Variants in CELSR1 observed in about 807,000 individuals in gnomAD.
CELSR1 encodes adhesion G protein-coupled receptor C1.
A neutral mutation model predicts 249.1 loss-of-function variants in CELSR1; 110 were observed. The ratio of observed to expected loss-of-function variants is 0.44; its 90% confidence interval spans 0.38 to 0.52. The LOEUF (loss-of-function observed/expected upper bound fraction) is 0.52. Among genes scored for constraint, CELSR1 ranks in the 20% least tolerant of loss-of-function variants. The pLI is 0.00. For synonymous variants in CELSR1, 2,113 were observed against 1,900.0 expected (o/e 1.11, Z -2.92); for missense variants, 4,109 against 4,296.4 (o/e 0.96, Z 1.22).
At chr22:46,394,547 T>G (rs2079128311) in intron 13 of CELSR1, among the ~76,000 whole-genome samples, 1 of 152,162 alleles carries the variant, frequency 6.6e-6, no homozygotes, top group Non-Finnish European at 1.5e-5. Context: ...TTAATGACAA[T>G]GAACCCCCAC....
chr22:46,507,382 C>G (rs1351317402), intron 1 of CELSR1, among the ~76,000 whole-genome samples: 1 of 152,074 alleles, frequency 6.6e-6, no homozygotes, highest in African/African-American at 2.4e-5. Flanking sequence ...ACCATCACTG[C>G]CTCCCCTTCA....
At chr22:46,505,938 GGA>G (rs1165373845) in intron 1 of CELSR1, among the ~76,000 whole-genome samples, 3 of 152,110 alleles carry the variant, frequency 2.0e-5, no homozygotes, top group African/African-American at 7.2e-5. Context: ...CAGCACTTTG[GGA>G]GGCCGAGGCA....
intron 1 of CELSR1, among the ~76,000 whole-genome samples, chr22:46,532,924 C>A (rs2080807301): frequency 6.6e-6 from 1 of 152,196 alleles, no homozygotes. Flanking sequence ...CCCTCCTGTT[C>A]ACCTCCAGCC....
At chr22:46,403,971 CAAAAAAAAAAAAAAA>C (rs756055741) in intron 9 of CELSR1, among the ~76,000 whole-genome samples, 1 of 48,426 alleles carries the variant, frequency 2.1e-5, no homozygotes, top group African/African-American at 6.5e-5. Flanking sequence ...AACTCCGTCT[CAAAAAAAAAAAAAAA>C]AAAAGAAAAA....
At position 46,534,085 on chromosome 22, in the gene CELSR1, C is replaced by T; in HGVS notation, c.3086G>A (p.Gly1029Asp). Reference sequence around the variant, plus strand: ...CTGATACATGATCTGGGCATTAGGGCCTTCATCAGGGTCGTTAGCACGAAT... The same window carrying T: ...CTGATACATGATCTGGGCATTAGGGTCTTCATCAGGGTCGTTAGCACGAAT... ...AKIRANDPDE[G>D]PNAQIMYQIV... Residue 1029 changes from glycine to aspartate, a missense_variant, in exon 1 of 35, where the codon GGC becomes GAC. Physicochemically the swap from Gly to Asp is moderately conservative, Grantham distance 94 (BLOSUM62 -1). Around this residue, in one of 7 missense-constraint regions of CELSR1, gnomAD observed 886 missense variants for 896.5 expected, o/e 0.99. Transcript: ENST00000674500. This position sits in a 1 kb window ranked among gnomAD's most constrained non-coding sequence, Gnocchi z 9.7. The T allele has an allele frequency of 6.2e-7, 1 of 1,613,758 alleles. No homozygotes were observed. The highest frequency in any genetic ancestry group is 8.5e-7 in the Non-Finnish European group (1 of 1,180,042).
At chr22:46,514,394 GC>G (rs1206426431) in intron 1 of CELSR1, among the ~76,000 whole-genome samples, 1 of 152,164 alleles carries the variant, frequency 6.6e-6, no homozygotes, top group African/African-American at 2.4e-5. Context: ...GTTTCACCAG[GC>G]CCCGACGGTC....
chr22:46,492,442 T>C (rs933257039), intron 1 of CELSR1, among the ~76,000 whole-genome samples: 6 of 152,324 alleles, frequency 3.9e-5, no homozygotes, highest in Admixed American at 6.5e-5. Flanking sequence ...TTACCTCTTT[T>C]TTCTTTTCCA....
At chr22:46,369,157 G>A (rs374459765) in intron 27 of CELSR1, 22 bp downstream of exon 27, 111 of 1,611,240 alleles carry the variant, frequency 6.9e-5, no homozygotes, top group African/African-American at 1.3e-4. Context: ...ATGGCTGGCC[G>A]GTCAGGTTCA....
chr22:46,399,714 C>G lies in CELSR1; in HGVS notation c.5412+3G>C. 1 of 1,613,850 alleles carries G rather than the reference C, an allele frequency of 6.2e-7. No individual in the cohort carries two copies. Among genetic ancestry groups the G allele is most frequent in the Non-Finnish European group, 8.5e-7 (1 of 1,179,746 alleles). ...CCCAGAGGAGGTGCAGGTGCCAGCT[C>G]ACCTGGTCCATCCCATAGTCCAAGG... On this transcript the variant is annotated splice_donor_region_variant and intron_variant, in intron 10 of 34. Coordinates refer to ENST00000674500, the MANE Select transcript of CELSR1 (RefSeq NM_001378328.1). The surrounding 1 kb of genome is among the most constrained non-coding windows in gnomAD (Gnocchi z 5.0).
Position 46,411,324 on chromosome 22 carries a change from G to A in CELSR1, c.4769+278C>T, listed in dbSNP as rs534560611. ...TTTGCGGGGACAAAGCCAGTGATCC[G>A]TGGAGATGGGGCTGGAGACCGTCTC... On this transcript the variant is annotated intron_variant, in intron 6 of 34. Transcript: ENST00000674500. This position sits in a 1 kb window ranked among gnomAD's most constrained non-coding sequence, Gnocchi z 4.2. 1.3e-5 allele frequency among the ~76,000 whole-genome samples: 2 copies of A among 152,322 alleles called. No individual in the cohort carries two copies. The highest frequency in any genetic ancestry group is 1.9e-4 in the East Asian group (1 of 5,186).
intron 1 of CELSR1, among the ~76,000 whole-genome samples, chr22:46,465,491 G>A (rs2080086655): frequency 6.6e-6 from 1 of 152,200 alleles, no homozygotes; most frequent in Non-Finnish European, 1.5e-5. Flanking sequence ...TCATTCTGGG[G>A]ACTGTGAGGA....
chr22:46,414,175 C>T (rs1029578407), intron 5 of CELSR1, among the ~76,000 whole-genome samples: 13 of 152,196 alleles, frequency 8.5e-5, no homozygotes, highest in African/African-American at 3.1e-4. Flanking sequence ...TCAGTCTGGC[C>T]TTCGTGAATC....
rs201073100 is a variant in CELSR1 at position 46,399,699 on chromosome 22, G to A, written c.5412+18C>T. The A allele has an allele frequency of 5.0e-6, 8 of 1,612,668 alleles. No individual in the cohort carries two copies. Among genetic ancestry groups the A allele is most frequent in the Non-Finnish European group, 6.8e-6 (8 of 1,178,834 alleles). On this transcript the variant is annotated intron_variant, in intron 10 of 34. Transcript: ENST00000674500. This position sits in a 1 kb window ranked among gnomAD's most constrained non-coding sequence, Gnocchi z 5.0. The stretch of plus-strand genomic sequence containing the variant: ...GAGGAAGGGTCTATCCCCAGAGGAG[G>A]TGCAGGTGCCAGCTCACCTGGTCCA...
chr22:46,371,642 T>C (rs1490162814), intron 25 of CELSR1, among the ~76,000 whole-genome samples: 1 of 151,010 alleles, frequency 6.6e-6, no homozygotes, highest in Non-Finnish European at 1.5e-5. Flanking sequence ...ATTTCATCCA[T>C]CCATCCACCC....
chr22:46,438,798 G>A (rs2079699267), intron 3 of CELSR1, among the ~76,000 whole-genome samples: 1 of 152,104 alleles, frequency 6.6e-6, no homozygotes. Flanking sequence ...TCGCTCTGTT[G>A]CCCAGGTCGG....
At chr22:46,385,690 T>C (rs1033176937) in intron 19 of CELSR1, among the ~76,000 whole-genome samples, 1 of 151,008 alleles carries the variant, frequency 6.6e-6, no homozygotes, top group African/African-American at 2.4e-5. Flanking sequence ...TTTTTTTTTT[T>C]TTTTTGAGAC....
Position 46,473,195 on chromosome 22 carries a change from C to T in CELSR1, c.3545-8850G>A, listed in dbSNP as rs1206964495. 2.0e-5 allele frequency among the ~76,000 whole-genome samples: 3 copies of T among 152,106 alleles called. No homozygotes were observed. Among genetic ancestry groups the T allele is most frequent in the African/African-American group, 4.8e-5 (2 of 41,410 alleles). On this transcript the variant is annotated intron_variant, in intron 1 of 34. Transcript: ENST00000674500. This position sits in a 1 kb window ranked among gnomAD's most constrained non-coding sequence, Gnocchi z 6.6. ...GGACCCACGCACCACGAGGAACCAT[C>T]GCTGGCCCTTGACAGGTGAGGACAC... is the stretch of plus-strand genomic sequence containing the variant.
chr22:46,368,995 T>A (rs1602027310), intron 27 of CELSR1, 184 bp downstream of exon 27: 66 of 383,834 alleles, frequency 1.7e-4, no homozygotes, highest in Middle Eastern at 7.8e-4. Flanking sequence ...TCAGCTAACC[T>A]CCCCCAGCCC....
intron 1 of CELSR1, among the ~76,000 whole-genome samples, chr22:46,531,310 A>G (rs1408114936): frequency 1.3e-5 from 2 of 151,748 alleles, no homozygotes; most frequent in African/African-American, 4.8e-5. Flanking sequence ...GATTCAAGCA[A>G]TTTTCCTGCC....
Sources: gnomAD v4.1 joint callset for allele counts (sites outside exome capture counted in the v4.1 genomes callset) on GRCh38, gnomAD v4.1.1 for gene constraint, gnomAD v4.1.1 regional missense constraint, Gnocchi (gnomAD v3.1) non-coding constraint, MANE v1.5 for transcripts, NCBI Gene and HGNC (gene_info 2026-07-23, HGNC 2026-07-21) for gene names.